The following ADGB variants were observed in gnomAD, a reference collection of about 807,000 sequenced individuals.
The protein encoded by ADGB is androglobin.
In ADGB, 172 loss-of-function variants were observed where a neutral mutation model predicts 210.5. The ratio of observed to expected loss-of-function variants is 0.82; its 90% confidence interval spans 0.72 to 0.93. The LOEUF (loss-of-function observed/expected upper bound fraction) is 0.93, where lower values mean the gene tolerates loss of function less well. ADGB is among the 40% of genes least tolerant of loss of function. The pLI is 0.00. For synonymous variants in ADGB, 658 were observed against 662.7 expected (o/e 0.99, Z 0.11); for missense variants, 2,025 against 1,964.8 (o/e 1.03, Z -0.58).
At chr6:146,644,632 A>G (rs976681822) in intron 2 of ADGB, 141 bp from the exon 3 acceptor site, 5 of 487,114 alleles carry the variant, frequency 1.0e-5, no homozygotes, top group African/African-American at 1.0e-4. Flanking sequence ...TCCATGAATT[A>G]GCTCTTACAA....
chr6:146,752,670 C>T lies in ADGB; in HGVS notation c.3506C>T (p.Pro1169Leu). 1.3e-6 allele frequency: 2 copies of T among 1,550,700 alleles called. No homozygotes were observed. Among genetic ancestry groups the T allele is most frequent in the Non-Finnish European group, 1.7e-6 (2 of 1,146,346 alleles). The change falls in exon 27 of 36, where the codon CCA becomes CTA. Residue 1169 changes from proline to leucine, a missense_variant. Physicochemically the swap from Pro to Leu is moderately conservative, Grantham distance 98. Transcript: ENST00000397944. Reference sequence around the variant, plus strand: ...ACTGGAAAAGGCCAAGCTATAATCCCAGCATTTCACTTCTTGAAGAGTGAG... The same window carrying T: ...ACTGGAAAAGGCCAAGCTATAATCCTAGCATTTCACTTCTTGAAGAGTGAG... ...SSTGKGQAIIPAFHFLKSEKG... is the reference protein window; with the variant it reads ...SSTGKGQAIILAFHFLKSEKG...
intron 10 of ADGB, 63 bp downstream of exon 10, chr6:146,685,891 G>T (rs1279825810): frequency 3.0e-6 from 3 of 985,542 alleles, no homozygotes; most frequent in Non-Finnish European, 4.3e-6. Context: ...ACGTGTGTGT[G>T]TGATTACTTG....
At position 146,803,813 on chromosome 6, in the gene ADGB, C is replaced by T. The variant is rs575647610; in HGVS notation, c.4818+1802C>T. On this transcript the variant is annotated intron_variant, in intron 35 of 35. Transcript: ENST00000397944. ...CTAGAGCGTCCCTCGGCTTCTGGGC[C>T]GAGTCCCACTCAGGGCCATTCAAAC... 19 of 498,322 alleles carry T rather than the reference C, an allele frequency of 3.8e-5. No homozygotes were observed. In the South Asian group the frequency reaches 4.4e-4, roughly 12 times the overall value. The allele number at this position is 498,322 out of a possible 1,614,324, so 30.9% of individuals were successfully genotyped here.
intron 18 of ADGB, chr6:146,725,878 A>G (rs1685310959): frequency 4.7e-6 from 2 of 422,334 alleles, no homozygotes; most frequent in South Asian, 1.1e-4. Context: ...TTTGTCCTAC[A>G]TAATAAGTAA....
chr6:146,757,517 T>C (rs1777424939), intron 27 of ADGB, among the ~76,000 whole-genome samples: 1 of 151,884 alleles, frequency 6.6e-6, no homozygotes, highest in African/African-American at 2.4e-5. Flanking sequence ...AAGTCTTTTG[T>C]TCCTGTCATT....
chr6:146,653,995 G>T, intron 3 of ADGB, 140 bp from the exon 4 acceptor site: 1 of 443,054 alleles, frequency 2.3e-6, no homozygotes, highest in South Asian at 3.2e-5. Flanking sequence ...ATATCCTACT[G>T]CTCAAGGTCA....
At chr6:146,622,350 G>GTA (rs1407964318) in intron 1 of ADGB, among the ~76,000 whole-genome samples, 1 of 152,058 alleles carries the variant, frequency 6.6e-6, no homozygotes, top group African/African-American at 2.4e-5. Flanking sequence ...TTCTTACCTG[G>GTA]AGATTCTGGA....
At chr6:146,670,207 G>A (rs993141809) in intron 7 of ADGB, among the ~76,000 whole-genome samples, 1 of 152,042 alleles carries the variant, frequency 6.6e-6, no homozygotes, top group African/African-American at 2.4e-5. Context: ...ATTTTCTAAA[G>A]TATAAATCAG....
intron 2 of ADGB, among the ~76,000 whole-genome samples, chr6:146,640,495 C>T (rs372132963): frequency 2.6e-5 from 4 of 151,882 alleles, no homozygotes; most frequent in African/African-American, 7.3e-5. Context: ...TGATGAACAT[C>T]GATGCAAAAT....
intron 25 of ADGB, 87 bp from the exon 26 acceptor site, chr6:146,745,835 A>G (rs1016907192): frequency 2.0e-5 from 20 of 1,007,314 alleles, no homozygotes; most frequent in African/African-American, 9.6e-5. Flanking sequence ...TATCATAATA[A>G]TAAGACATTT....
chr6:146,782,619 T>G (rs1336032367), intron 30 of ADGB, among the ~76,000 whole-genome samples: 2 of 152,152 alleles, frequency 1.3e-5, no homozygotes, highest in Non-Finnish European at 2.9e-5. Context: ...AAAGACGTGA[T>G]GAGGCGAAAA....
At chr6:146,689,248 A>G (rs1776270682) in intron 10 of ADGB, among the ~76,000 whole-genome samples, 1 of 152,174 alleles carries the variant, frequency 6.6e-6, no homozygotes, top group Non-Finnish European at 1.5e-5. Context: ...GCACTATTGT[A>G]AATCTCCCTC....
In ADGB at chr6:146,733,274, T is replaced by TA. The variant is rs67991595; in HGVS notation, c.2656+20dup. ...TCTTTAGGTACCCATGAATTGTATA[T>TA]ATTTAATCAAGGAATTCCTAGTTTT... On this transcript the variant is annotated intron_variant, in intron 21 of 35. Transcript: ENST00000397944. 674,011 of 1,467,740 alleles carry TA rather than the reference T, an allele frequency of 0.46. 158,660 individuals carry two copies. The highest frequency in any genetic ancestry group is 0.68 in the African/African-American group (47,153 of 69,128). 90.9% of individuals were successfully genotyped at this position (1,467,740 alleles called of 1,614,324 possible).
At chr6:146,800,063 CT>C (rs1778103818) in intron 33 of ADGB, among the ~76,000 whole-genome samples, 1 of 152,180 alleles carries the variant, frequency 6.6e-6, no homozygotes, top group Admixed American at 6.5e-5. Context: ...CCGCCTTGGC[CT>C]CCCAAAGTGT....
At position 146,706,848 on chromosome 6, in the gene ADGB, T is replaced by TTC. The variant is rs1014048648; in HGVS notation, c.1707+5779_1707+5780insCT. 4.4e-4 allele frequency among the ~76,000 whole-genome samples: 65 copies of TTC among 149,108 alleles called. 1 individual carries two copies. The East Asian group carries it at 8.4e-3, about 19-fold the overall frequency. On this transcript the variant is annotated intron_variant, in intron 13 of 35. Transcript: ENST00000397944. ...TCTTTTCAAAGATCAGCTTAGTGTTTTTTTTTTTTTTTTTACTTTTCTTGT... is the reference window on the plus strand; with the variant it reads ...TCTTTTCAAAGATCAGCTTAGTGTTTTCTTTTTTTTTTTTTTACTTTTCTTGT...
In ADGB at chr6:146,620,792, CA is replaced by C. The variant is rs1218659904; in HGVS notation, c.75-14580del. Among the ~76,000 whole-genome samples the C allele has an allele frequency of 2.6e-5, 4 of 152,114 alleles. No individual in the cohort carries two copies. The East Asian group carries it at 7.7e-4, about 29-fold the overall frequency. On this transcript the variant is annotated intron_variant, in intron 1 of 35. Coordinates refer to ENST00000397944, the MANE Select transcript of ADGB (RefSeq NM_024694.4). ...TACTCTGCCAGATCTCATAGATCTT[CA>C]AATCTTCTGGGTCAATTACTGGAGA...
intron 33 of ADGB, among the ~76,000 whole-genome samples, chr6:146,794,052 A>G (rs1031387663): frequency 6.6e-6 from 1 of 152,120 alleles, no homozygotes; most frequent in South Asian, 2.1e-4. Flanking sequence ...GCCATTCCTA[A>G]CCCTATATGT....
At chr6:146,673,851 T>C (rs1449712482) in intron 8 of ADGB, among the ~76,000 whole-genome samples, 1 of 152,130 alleles carries the variant, frequency 6.6e-6, no homozygotes, top group East Asian at 1.9e-4. Context: ...TTGGGAGTCG[T>C]TGACAAATTC....
chr6:146,659,392 T>C (rs1217262159), intron 5 of ADGB, among the ~76,000 whole-genome samples: 1 of 152,166 alleles, frequency 6.6e-6, no homozygotes, highest in Non-Finnish European at 1.5e-5. Flanking sequence ...CTTCTCACTG[T>C]TTTTCTTCTT....
Sources: gnomAD v4.1 joint callset for allele counts (sites outside exome capture counted in the v4.1 genomes callset) on GRCh38, gnomAD v4.1.1 for gene constraint, MANE v1.5 for transcripts, NCBI Gene and HGNC (gene_info 2026-07-23, HGNC 2026-07-21) for gene names.